NEGR1: variants seen among roughly 807,000 people sequenced by gnomAD.
The protein encoded by NEGR1 is neuronal growth regulator 1.
NEGR1 carries 10 observed loss-of-function variants against 40.9 expected under a neutral mutation model. The observed-to-expected ratio is 0.24, with a 90% confidence interval of 0.15 to 0.42. NEGR1 has a LOEUF of 0.42. Among genes scored for constraint, NEGR1 ranks in the 10% least tolerant of loss-of-function variants. The pLI, the probability that NEGR1 is intolerant of heterozygous loss-of-function variation, is 1.00. For missense variants in NEGR1, 352 were observed against 438.9 expected (o/e 0.80, Z 1.77); for synonymous variants, 185 against 166.8 (o/e 1.11, Z -0.84).
intron 2 of NEGR1, among the ~76,000 whole-genome samples, chr1:71,777,953 C>G (rs1487830671): frequency 6.6e-6 from 1 of 151,826 alleles, no homozygotes; most frequent in Non-Finnish European, 1.5e-5. Context: ...ATTTTAAAAC[C>G]ATCCCAAACA....
chr1:71,736,813 T>C (rs553779221), intron 3 of NEGR1, among the ~76,000 whole-genome samples: 1 of 152,214 alleles, frequency 6.6e-6, no homozygotes, highest in East Asian at 1.9e-4. Flanking sequence ...CATTTTTAGA[T>C]ATGCAGAAGG....
chr1:72,217,935 C>A (rs1308153289), intron 1 of NEGR1, among the ~76,000 whole-genome samples: 1 of 151,686 alleles, frequency 6.6e-6, no homozygotes, highest in Non-Finnish European at 1.5e-5. Context: ...TTATAATAGA[C>A]AAGATAATAT....
intron 2 of NEGR1, among the ~76,000 whole-genome samples, chr1:71,841,711 G>A (rs1659245595): frequency 6.6e-6 from 1 of 152,142 alleles, no homozygotes; most frequent in African/African-American, 2.4e-5. Context: ...TAAGGATAAT[G>A]TATGCAATGT....
At chr1:71,591,250 C>T (rs1649490199) in intron 6 of NEGR1, among the ~76,000 whole-genome samples, 1 of 152,148 alleles carries the variant, frequency 6.6e-6, no homozygotes, top group African/African-American at 2.4e-5. Context: ...ATGAGAGTCT[C>T]TTCTGAAGGC....
rs1198473179 is a variant in NEGR1 at position 71,633,043 on chromosome 1, A to G, written c.668-21897T>C. 3.3e-5 allele frequency among the ~76,000 whole-genome samples: 5 copies of G among 152,260 alleles called. No homozygotes were observed. In the East Asian group the frequency reaches 9.7e-4, roughly 29 times the overall value. ...ATATAACTGCATATGTCTTTAAAAT[A>G]TCTCTAATAGGATTTAATTCTATAA... On this transcript the variant is annotated intron_variant, in intron 4 of 6. Transcript: ENST00000357731.
intron 1 of NEGR1, among the ~76,000 whole-genome samples, chr1:72,233,170 C>T (rs1654431074): frequency 6.6e-6 from 1 of 152,052 alleles, no homozygotes; most frequent in Non-Finnish European, 1.5e-5. Flanking sequence ...ACATACACAC[C>T]TATATATCAA....
intron 6 of NEGR1, among the ~76,000 whole-genome samples, chr1:71,534,617 T>C (rs1487849734): frequency 2.0e-5 from 3 of 151,748 alleles, no homozygotes; most frequent in African/African-American, 4.8e-5. Flanking sequence ...TTTGTTGTTA[T>C]TGAGAAGTAG....
chr1:71,601,806 T>C (rs138693008), intron 5 of NEGR1, among the ~76,000 whole-genome samples: 75 of 152,034 alleles, frequency 4.9e-4, no homozygotes, highest in Admixed American at 1.2e-3. Context: ...ATTCCAAAAG[T>C]GGGAGGGCTG....
At chr1:71,989,410 T>C (rs1646430872) in intron 1 of NEGR1, among the ~76,000 whole-genome samples, 3 of 152,190 alleles carry the variant, frequency 2.0e-5, no homozygotes, top group Non-Finnish European at 4.4e-5. Flanking sequence ...GAATACTCAA[T>C]ATATGATAAA....
At chr1:72,042,264 C>A (rs1646963478) in intron 1 of NEGR1, among the ~76,000 whole-genome samples, 1 of 151,732 alleles carries the variant, frequency 6.6e-6, no homozygotes, top group South Asian at 2.1e-4. Flanking sequence ...AAGTGTTTCA[C>A]TTGGACCACT....
At chr1:71,578,818 C>T (rs559700557) in intron 6 of NEGR1, among the ~76,000 whole-genome samples, 24 of 152,184 alleles carry the variant, frequency 1.6e-4, no homozygotes, top group Admixed American at 1.4e-3. Context: ...ATTTGATCAG[C>T]TTAATAGATC....
intron 6 of NEGR1, among the ~76,000 whole-genome samples, chr1:71,568,866 GTA>G (rs1648717971): frequency 2.2e-5 from 3 of 138,500 alleles, no homozygotes; most frequent in South Asian, 2.3e-4. Flanking sequence ...GTGTGTGTGT[GTA>G]TACGTATATA....
At chr1:71,848,662 C>T (rs1659500552) in intron 2 of NEGR1, among the ~76,000 whole-genome samples, 1 of 152,156 alleles carries the variant, frequency 6.6e-6, no homozygotes, top group South Asian at 2.1e-4. Flanking sequence ...TAACAATGTA[C>T]CTGGTCACCT....
chr1:72,059,559 A>G (rs2100491219), intron 1 of NEGR1, among the ~76,000 whole-genome samples: 1 of 151,760 alleles, frequency 6.6e-6, no homozygotes, highest in African/African-American at 2.4e-5. Flanking sequence ...TTAACTAGCT[A>G]TCCAATATAC....
At chr1:72,072,943 T>C (rs1647534155) in intron 1 of NEGR1, among the ~76,000 whole-genome samples, 1 of 152,200 alleles carries the variant, frequency 6.6e-6, no homozygotes, top group African/African-American at 2.4e-5. Context: ...TTATGTACTT[T>C]ATTTATAAAT....
intron 4 of NEGR1, among the ~76,000 whole-genome samples, chr1:71,644,794 T>A (rs28470498): frequency 6.6e-6 from 1 of 151,974 alleles, no homozygotes; most frequent in South Asian, 2.1e-4. Flanking sequence ...GGATCTTCAC[T>A]GGGACCAGAA....
At chr1:72,027,255 T>A (rs1233976422) in intron 1 of NEGR1, among the ~76,000 whole-genome samples, 1 of 152,192 alleles carries the variant, frequency 6.6e-6, no homozygotes, top group Non-Finnish European at 1.5e-5. Context: ...TCTCATTTCA[T>A]GTTCTTTTCA....
At chr1:71,822,671 TA>T in intron 2 of NEGR1, among the ~76,000 whole-genome samples, 1 of 152,104 alleles carries the variant, frequency 6.6e-6, no homozygotes, top group Middle Eastern at 3.4e-3. Context: ...GTCAGTGGTT[TA>T]TTCTCACTGG....
intron 1 of NEGR1, among the ~76,000 whole-genome samples, chr1:72,069,140 T>C (rs1647357513): frequency 6.6e-6 from 1 of 152,142 alleles, no homozygotes; most frequent in South Asian, 2.1e-4. Flanking sequence ...CTGGGTGTGG[T>C]GGCTCATGTG....
Sources: gnomAD v4.1 joint callset for allele counts (sites outside exome capture counted in the v4.1 genomes callset) on GRCh38, gnomAD v4.1.1 for gene constraint, MANE v1.5 for transcripts, NCBI Gene and HGNC (gene_info 2026-07-23, HGNC 2026-07-21) for gene names.